Variants in TP63 observed in about 807,000 individuals in gnomAD.
TP63 encodes tumor protein p63.
A neutral mutation model predicts 82.8 loss-of-function variants in TP63; 17 were observed. That is an observed-to-expected ratio of 0.21 (90% CI 0.14 to 0.31). The LOEUF is 0.31. TP63 is among the 10% of genes least tolerant of loss of function. The probability of loss-of-function intolerance (pLI) is 1.00; values close to 1 mark genes in which losing one functional copy is unlikely to be tolerated. For synonymous variants in TP63, 330 were observed against 321.7 expected, an observed-to-expected ratio of 1.03 and a Z score of -0.28; for missense variants, 648 against 895.3, an observed-to-expected ratio of 0.72 and a Z score of 3.52.
chr3:189,863,834 C>G (rs900505222), intron 4 of TP63, among the ~76,000 whole-genome samples: 2 of 152,138 alleles, frequency 1.3e-5, no homozygotes, highest in Non-Finnish European at 2.9e-5. Flanking sequence ...AGAAATCTGT[C>G]TTTGTGGTTG....
rs552010143 is a variant in TP63, at chr3:189,716,434, G to T, written c.63-21306G>T. Among the ~76,000 whole-genome samples the T allele has an allele frequency of 1.9e-4, 29 of 151,730 alleles. No homozygotes were observed. The South Asian group carries it at 4.2e-3, about 22-fold the overall frequency. On this transcript the variant is annotated intron_variant, in intron 1 of 13. Coordinates refer to ENST00000264731, the MANE Select transcript of TP63 (RefSeq NM_003722.5). Reference sequence around the variant, plus strand: ...TCTGTGCTGAATTTAATTTTAAAAAGCCCTGGAAATGCTACTTCCATGATC... The same window carrying T: ...TCTGTGCTGAATTTAATTTTAAAAATCCCTGGAAATGCTACTTCCATGATC...
At chr3:189,796,429 A>G (rs1057318409) in intron 3 of TP63, among the ~76,000 whole-genome samples, 1 of 152,002 alleles carries the variant, frequency 6.6e-6, no homozygotes, top group East Asian at 1.9e-4. Context: ...AGGGTAGGCC[A>G]TGGTGGGAGG....
the TP63 span, among the ~76,000 whole-genome samples, chr3:189,617,787 T>C: frequency 6.6e-6 from 1 of 152,218 alleles, no homozygotes. Flanking sequence ...CAGGACACAA[T>C]GTGGGCATCA....
At chr3:189,631,312 A>T, upstream of TP63, 1 of 1,392,926 alleles carries the variant, frequency 7.2e-7, no homozygotes, top group Non-Finnish European at 9.3e-7. Context: ...TAGTCAATTG[A>T]TGAATCTCAT....
intron 1 of TP63, among the ~76,000 whole-genome samples, chr3:189,678,714 G>T (rs113193980): frequency 0.018 from 2,713 of 152,044 alleles, 90 homozygotes; most frequent in African/African-American, 0.062. Context: ...TCTAATCCAT[G>T]AGCATGTGAC....
intron 6 of TP63, among the ~76,000 whole-genome samples, chr3:189,867,218 G>T (rs923244364): frequency 6.6e-6 from 1 of 152,156 alleles, no homozygotes; most frequent in Non-Finnish European, 1.5e-5. Context: ...TTGTAAATCT[G>T]TTGCATGAAG....
intron 1 of TP63, among the ~76,000 whole-genome samples, chr3:189,702,709 A>C (rs1320222645): frequency 6.6e-6 from 1 of 152,258 alleles, no homozygotes; most frequent in African/African-American, 2.4e-5. Context: ...AGGATTGAGC[A>C]GAGCAAAAAG....
At position 189,631,453 on chromosome 3, in the gene TP63, G is replaced by C; in HGVS notation, c.-63G>C. On this transcript the variant is annotated 5_prime_UTR_variant, in exon 1 of 14. Coordinates refer to ENST00000264731, the MANE Select transcript of TP63 (RefSeq NM_003722.5). ...CCGGCTTTATATCTATATATACACA[G>C]GTATATGTGTATATTTTATATAATT... 1.2e-6 allele frequency: 2 copies of C among 1,607,106 alleles called. No homozygotes were observed. The highest frequency in any genetic ancestry group is 1.7e-6 in the Non-Finnish European group (2 of 1,175,540).
intron 4 of TP63, among the ~76,000 whole-genome samples, chr3:189,863,124 C>G (rs755427016): frequency 1.6e-4 from 25 of 152,198 alleles, no homozygotes; most frequent in Non-Finnish European, 3.2e-4. Flanking sequence ...CTCTGCCCCC[C>G]CACCATCTTT....
At chr3:189,629,044 G>T (rs868347566), upstream of TP63, among the ~76,000 whole-genome samples, 26 of 152,102 alleles carry the variant, frequency 1.7e-4, no homozygotes, top group Middle Eastern at 3.4e-3. Context: ...ACGTTTAAAT[G>T]ATATTATTTA....
chr3:189,620,101 G>C, the TP63 span, among the ~76,000 whole-genome samples: 5 of 152,248 alleles, frequency 3.3e-5, no homozygotes, highest in African/African-American at 9.6e-5. Flanking sequence ...GGCTGGGTGT[G>C]GTGGCTCATG....
the TP63 span, among the ~76,000 whole-genome samples, chr3:189,615,514 C>T: frequency 2.6e-5 from 4 of 152,200 alleles, no homozygotes; most frequent in East Asian, 7.7e-4. Flanking sequence ...CCTGCTTTGG[C>T]ACATACCACA....
the TP63 span, among the ~76,000 whole-genome samples, chr3:189,613,871 C>A: frequency 6.6e-6 from 1 of 152,158 alleles, no homozygotes; most frequent in Non-Finnish European, 1.5e-5. Flanking sequence ...TTTGTTTTGG[C>A]AAACTGTCTC....
At chr3:189,673,972 C>T (rs538420454) in intron 1 of TP63, among the ~76,000 whole-genome samples, 26 of 152,102 alleles carry the variant, frequency 1.7e-4, no homozygotes, top group African/African-American at 6.3e-4. Context: ...ATATTTATTA[C>T]TTTAGCAATA....
chr3:189,604,740 T>G, the TP63 span, among the ~76,000 whole-genome samples: 6 of 152,226 alleles, frequency 3.9e-5, no homozygotes, highest in Admixed American at 3.9e-4. Flanking sequence ...TCTTATTTTG[T>G]TACTTCTTAG....
intron 9 of TP63, among the ~76,000 whole-genome samples, chr3:189,870,668 G>C (rs576575516): frequency 4.6e-5 from 7 of 152,236 alleles, no homozygotes; most frequent in East Asian, 1.9e-4. Flanking sequence ...TACTTCTCTT[G>C]CAATCACTAA....
intron 4 of TP63, among the ~76,000 whole-genome samples, chr3:189,862,143 A>G (rs114360877): frequency 0.013 from 1,959 of 152,228 alleles, 53 homozygotes; most frequent in African/African-American, 0.044. Flanking sequence ...GGATACATTC[A>G]TATGTTATGC....
chr3:189,737,735 T>C lies in TP63; in HGVS notation c.63-5T>C. 6.2e-7 allele frequency: 1 copy of C among 1,613,824 alleles called. No homozygotes were observed. Among genetic ancestry groups the C allele is most frequent in the Non-Finnish European group, 8.5e-7 (1 of 1,179,732 alleles). On this transcript the variant is annotated splice_polypyrimidine_tract_variant and splice_region_variant and intron_variant, in intron 1 of 13. Coordinates refer to ENST00000264731, the MANE Select transcript of TP63 (RefSeq NM_003722.5). ...TAATACTAGTTTCATTTTTGTCCTT[T>C]TAAGTTTCGTAGAAACCCCAGCTCA...
intron 4 of TP63, among the ~76,000 whole-genome samples, chr3:189,839,519 C>G (rs1175817605): frequency 1.3e-5 from 2 of 152,100 alleles, no homozygotes; most frequent in Non-Finnish European, 2.9e-5. Flanking sequence ...AATCTCCCTC[C>G]CCTTTATTTT....
Sources: allele counts gnomAD v4.1 joint callset (sites outside exome capture counted in the v4.1 genomes callset), GRCh38; gene constraint gnomAD v4.1.1; transcripts MANE v1.5; gene names NCBI Gene and HGNC (gene_info 2026-07-23, HGNC 2026-07-21).